CACNA1E: variants seen among roughly 807,000 people sequenced by gnomAD.
CACNA1E encodes voltage-dependent R-type calcium channel subunit alpha-1E.
Under a neutral mutation model 259.2 loss-of-function variants are expected in CACNA1E, and 40 were observed. That is an observed-to-expected ratio of 0.15 (90% CI 0.12 to 0.20). CACNA1E has a LOEUF of 0.20. Among genes scored for constraint, CACNA1E ranks in the 10% least tolerant of loss-of-function variants. CACNA1E has a pLI of 1.00. For synonymous variants in CACNA1E, 1,104 were observed against 1,138.5 expected (o/e 0.97, Z 0.61); for missense variants, 1,874 against 3,040.1 (o/e 0.62, Z 9.02).
At chr1:181,544,411 A>C (rs957250817) in intron 3 of CACNA1E, among the ~76,000 whole-genome samples, 37 of 149,052 alleles carry the variant, frequency 2.5e-4, no homozygotes, top group African/African-American at 8.0e-4. Context: ...AAAAAAAAAA[A>C]CCCCACTGAA....
At chr1:181,355,867 A>G (rs1167577030) in intron 1 of CACNA1E, among the ~76,000 whole-genome samples, 3 of 152,210 alleles carry the variant, frequency 2.0e-5, no homozygotes, top group Non-Finnish European at 2.9e-5. Flanking sequence ...GAAGCATCTC[A>G]GGGACTGTGC....
chr1:181,755,764 G>A (rs748265413), intron 28 of CACNA1E, among the ~76,000 whole-genome samples, 192 bp from the exon 29 acceptor site: 8 of 152,212 alleles, frequency 5.3e-5, no homozygotes, highest in Non-Finnish European at 7.3e-5. Context: ...ATTTACTCCT[G>A]TATCTGTTGG....
At chr1:181,580,842 G>T in intron 6 of CACNA1E, 66 bp downstream of exon 6, 1 of 1,486,186 alleles carries the variant, frequency 6.7e-7, no homozygotes, top group Non-Finnish European at 9.3e-7. Flanking sequence ...TTCTGTGGTT[G>T]TTTGGCCTGG....
intron 29 of CACNA1E, 72 bp downstream of exon 29, chr1:181,756,165 A>T (rs1181047944): frequency 2.1e-6 from 3 of 1,444,716 alleles, no homozygotes; most frequent in Non-Finnish European, 9.4e-7. Context: ...AGCTGACTCA[A>T]GATGAACAAG....
chr1:181,393,058 T>C (rs1656407721), intron 1 of CACNA1E, among the ~76,000 whole-genome samples: 1 of 152,240 alleles, frequency 6.6e-6, no homozygotes, highest in African/African-American at 2.4e-5. Context: ...GGCATTGCCA[T>C]GAGTGTGAAT....
intron 2 of CACNA1E, among the ~76,000 whole-genome samples, chr1:181,476,636 C>A (rs938833650): frequency 6.6e-6 from 1 of 152,228 alleles, no homozygotes; most frequent in Non-Finnish European, 1.5e-5. Flanking sequence ...ATACCTGACA[C>A]GTGGAAGGTG....
At chr1:181,599,433 A>G (rs1044464031) in intron 6 of CACNA1E, among the ~76,000 whole-genome samples, 2 of 152,322 alleles carry the variant, frequency 1.3e-5, no homozygotes, top group South Asian at 2.1e-4. Flanking sequence ...TGATCCCTCA[A>G]GCTTCATCTT....
chr1:181,426,695 C>G (rs1359315401), intron 2 of CACNA1E, among the ~76,000 whole-genome samples: 8 of 147,794 alleles, frequency 5.4e-5, no homozygotes, highest in Non-Finnish European at 1.0e-4. Flanking sequence ...ACAACTCAAC[C>G]CCTTCCCATC....
At chr1:181,413,938 T>A (rs931202234) in intron 2 of CACNA1E, among the ~76,000 whole-genome samples, 3 of 152,254 alleles carry the variant, frequency 2.0e-5, no homozygotes, top group Non-Finnish European at 2.9e-5. Context: ...ACAACGTGGA[T>A]CATCTATTTC....
intron 2 of CACNA1E, among the ~76,000 whole-genome samples, chr1:181,436,407 C>G (rs1660090290): frequency 6.6e-6 from 1 of 152,180 alleles, no homozygotes; most frequent in African/African-American, 2.4e-5. Flanking sequence ...GAGATATCCA[C>G]ACTCCCATGT....
At position 181,510,346 on chromosome 1, in the gene CACNA1E, G is replaced by A. The variant is rs192854753; in HGVS notation, c.267-131G>A. The A allele has an allele frequency of 3.5e-4, 236 of 678,908 alleles. 2 individuals are homozygous for A. In the African/African-American group the frequency reaches 3.8e-3, roughly 11 times the overall value. The allele number at this position is 678,908 out of a possible 1,614,324, so 42.1% of individuals were successfully genotyped here. On this transcript the variant is annotated intron_variant, in intron 1 of 47. Coordinates refer to ENST00000367573, the MANE Select transcript of CACNA1E (RefSeq NM_001205293.3). Reference sequence around the variant, plus strand: ...CATCCACTGTCTTGCCTGCCTGCCTGTTTACAAATAAAAATCATGCAAACT... The same window carrying A: ...CATCCACTGTCTTGCCTGCCTGCCTATTTACAAATAAAAATCATGCAAACT...
intron 32 of CACNA1E, among the ~76,000 whole-genome samples, chr1:181,762,267 T>C (rs1658648561): frequency 1.3e-5 from 2 of 152,220 alleles, no homozygotes; most frequent in African/African-American, 2.4e-5. Flanking sequence ...AATACATAAA[T>C]ATTTGTTAAA....
At chr1:181,383,776 G>A (rs979736043) in intron 1 of CACNA1E, among the ~76,000 whole-genome samples, 1 of 152,250 alleles carries the variant, frequency 6.6e-6, no homozygotes, top group African/African-American at 2.4e-5. Context: ...CCCTTACGGG[G>A]TATGAACATG....
In CACNA1E at chr1:181,577,754, C is replaced by G. The variant is rs558475424; in HGVS notation, c.513-12C>G. 2.5e-6 allele frequency: 4 copies of G among 1,577,260 alleles called. No homozygotes were observed. The African/African-American group carries it at 5.4e-5, about 21-fold the overall frequency. The stretch of plus-strand genomic sequence containing the variant: ...ACTGGTAACCTTGACCCTTCTGTGT[C>G]TCTGTCTGCAGCATCCTGGCCACTG... On this transcript the variant is annotated splice_polypyrimidine_tract_variant and intron_variant, in intron 3 of 47. Transcript: ENST00000367573.
chr1:181,792,124 A>G (rs902336869), intron 44 of CACNA1E, among the ~76,000 whole-genome samples: 1 of 152,170 alleles, frequency 6.6e-6, no homozygotes, highest in Middle Eastern at 3.4e-3. Flanking sequence ...TAAACTATAG[A>G]TAGTTTGATT....
At chr1:181,687,038 G>A (rs559844993) in intron 7 of CACNA1E, among the ~76,000 whole-genome samples, 19 of 151,914 alleles carry the variant, frequency 1.3e-4, no homozygotes, top group African/African-American at 4.3e-4. Flanking sequence ...ATGTGATTGG[G>A]AACATGAGAC....
intron 1 of CACNA1E, among the ~76,000 whole-genome samples, chr1:181,325,456 T>C (rs909887907): frequency 1.3e-5 from 2 of 152,096 alleles, no homozygotes; most frequent in Non-Finnish European, 2.9e-5. Context: ...ACCAGCCACA[T>C]AGCACCCTCG....
intron 3 of CACNA1E, among the ~76,000 whole-genome samples, chr1:181,534,041 G>A (rs1667972471): frequency 6.6e-6 from 1 of 151,918 alleles, no homozygotes; most frequent in African/African-American, 2.4e-5. Flanking sequence ...CCTAGTATAT[G>A]TTTCTTTTTC....
At chr1:181,349,878 T>C (rs1016808838) in intron 1 of CACNA1E, among the ~76,000 whole-genome samples, 4 of 152,316 alleles carry the variant, frequency 2.6e-5, no homozygotes, top group Non-Finnish European at 5.9e-5. Flanking sequence ...CCAACAGCTG[T>C]GTGACCCCAG....
Sources: allele counts gnomAD v4.1 joint callset (sites outside exome capture counted in the v4.1 genomes callset), GRCh38; gene constraint gnomAD v4.1.1; transcripts MANE v1.5; gene names NCBI Gene and HGNC (gene_info 2026-07-23, HGNC 2026-07-21).